Variants in OAS2 observed in about 807,000 individuals in gnomAD.
OAS2 encodes 2'-5'-oligoadenylate synthase 2.
Under a neutral mutation model 71.3 loss-of-function variants are expected in OAS2, and 67 were observed. The ratio of observed to expected loss-of-function variants is 0.94; its 90% CI spans 0.77 to 1.15. The LOEUF (loss-of-function observed/expected upper bound fraction) is 1.15, where lower values mean the gene tolerates loss of function less well. OAS2 is among the 50% of genes most tolerant of loss of function. The pLI is 0.00. For synonymous variants in OAS2, 327 were observed against 321.8 expected, an observed-to-expected ratio of 1.02 and a Z score of -0.17; for missense variants, 789 against 822.5, an observed-to-expected ratio of 0.96 and a Z score of 0.50.
At chr12:112,998,434 G>A (rs781191112) in intron 5 of OAS2, 24 bp downstream of exon 5, 1 of 1,600,208 alleles carries the variant, frequency 6.2e-7, no homozygotes, top group Admixed American at 1.8e-5. Flanking sequence ...CCAAATACAG[G>A]GTGTTTCATG....
intron 6 of OAS2, among the ~76,000 whole-genome samples, chr12:113,004,573 C>T (rs1446674191): frequency 6.6e-6 from 1 of 152,148 alleles, no homozygotes; most frequent in African/African-American, 2.4e-5. Flanking sequence ...AGCACCTTCA[C>T]CATAATTATT....
chr12:113,007,772 A>G lies in OAS2; in HGVS notation c.1724A>G (p.Tyr575Cys). The change falls in exon 9 of 10, where the codon TAT becomes TGT. Residue 575 changes from tyrosine (Y) to cysteine (C), a missense_variant. Transcript: ENST00000392583. Reference protein sequence around the residue: ...PKYALELLTIYAWEQGSGVPD... With the variant: ...PKYALELLTICAWEQGSGVPD... ...TATGCCTTGGAGCTGCTCACCATCTATGCCTGGGAGCAGGGGAGTGGAGTG... is the reference window on the plus strand; with the variant it reads ...TATGCCTTGGAGCTGCTCACCATCTGTGCCTGGGAGCAGGGGAGTGGAGTG... 1 of 1,614,112 alleles carries G rather than the reference A, an allele frequency of 6.2e-7. No homozygotes were observed. Among genetic ancestry groups the G allele is most frequent in the East Asian group, 2.2e-5 (1 of 44,876 alleles).
rs2044051075 is a variant in OAS2 at position 112,978,707 on chromosome 12, G to A, written c.99G>A (p.Leu33=). 1.2e-6 allele frequency: 2 copies of A among 1,614,056 alleles called. No individual in the cohort carries two copies. The highest frequency in any genetic ancestry group is 1.3e-5 in the African/African-American group (1 of 74,930). The change falls in exon 1 of 10, where the codon CTG becomes CTA. Residue 33 remains leucine (L), a synonymous_variant. Coordinates refer to ENST00000392583, the MANE Select transcript of OAS2 (RefSeq NM_002535.3). The surrounding 1 kb of genome is among the most constrained non-coding windows in gnomAD (Gnocchi z 4.2). ...AGCCCTACGAAGAATGTCAGACACT[G>A]ATCGACGAGATGGTGAACACCATCT... is the stretch of plus-strand genomic sequence containing the variant. ...YLKPYEECQT[L]IDEMVNTICD...
rs772180051 is a variant in OAS2 at position 113,004,981 on chromosome 12, C to T, written c.1227C>T (p.Ala409=). 11 of 1,614,160 alleles carry T rather than the reference C, an allele frequency of 6.8e-6. No homozygotes were observed. The highest frequency in any genetic ancestry group is 4.5e-5 in the East Asian group (2 of 44,878). The part of the protein sequence containing the change: ...KGTALKTGSD[A]DLVVFHNSLK... ...CAGCTCTGAAGACTGGCTCTGATGCCGATCTCGTCGTGTTCCATAACTCAC... is the reference window on the plus strand; with the variant it reads ...CAGCTCTGAAGACTGGCTCTGATGCTGATCTCGTCGTGTTCCATAACTCAC... The change falls in exon 7 of 10, where the codon GCC becomes GCT. Residue 409 remains alanine, a synonymous_variant. Transcript: ENST00000392583.
rs1200156429 is a variant in OAS2, at chr12:112,997,428, T to C, written c.628-92T>C. 3 of 1,037,224 alleles carry C rather than the reference T, an allele frequency of 2.9e-6. No homozygotes were observed. The Admixed American group carries it at 7.1e-5, about 25-fold the overall frequency. The allele number at this position is 1,037,224 out of a possible 1,614,324, so 64.3% of individuals were successfully genotyped here. On this transcript the variant is annotated intron_variant, in intron 3 of 9. Coordinates refer to ENST00000392583, the MANE Select transcript of OAS2 (RefSeq NM_002535.3). ...AGGCATTCTAGCAAAGGACAATGACTTCCTGTAGACCTCTGGTTTCTTGAT... is the reference window on the plus strand; with the variant it reads ...AGGCATTCTAGCAAAGGACAATGACCTCCTGTAGACCTCTGGTTTCTTGAT...
At chr12:112,988,433 T>C (rs2044160958) in intron 2 of OAS2, 1 of 311,572 alleles carries the variant, frequency 3.2e-6, no homozygotes, top group Admixed American at 6.5e-5. Flanking sequence ...TGGTTATAGC[T>C]CAGCATTGGC....
intron 2 of OAS2, among the ~76,000 whole-genome samples, chr12:112,990,070 A>G: frequency 6.6e-6 from 1 of 152,136 alleles, no homozygotes; most frequent in East Asian, 1.9e-4. Context: ...CTCTCTTTCC[A>G]TGCACAAATA....
At chr12:112,986,665 G>A (rs2044139120) in intron 1 of OAS2, among the ~76,000 whole-genome samples, 1 of 151,882 alleles carries the variant, frequency 6.6e-6, no homozygotes. Context: ...CTAATGGTGT[G>A]TGCAGGTGCT....
chr12:112,987,812 C>T (rs944924442), intron 2 of OAS2: 33 of 988,670 alleles, frequency 3.3e-5, no homozygotes, highest in Non-Finnish European at 3.8e-5. Context: ...ATCAAGGCAA[C>T]GACCTTCCAT....
In OAS2 at chr12:112,987,314, C is replaced by T; in HGVS notation, c.448+6C>T. 2 of 1,614,056 alleles carry T rather than the reference C, an allele frequency of 1.2e-6. No homozygotes were observed. The highest frequency in any genetic ancestry group is 1.7e-6 in the Non-Finnish European group (2 of 1,179,958). On this transcript the variant is annotated splice_donor_region_variant and intron_variant, in intron 2 of 9. Coordinates refer to ENST00000392583, the MANE Select transcript of OAS2 (RefSeq NM_002535.3). Reference sequence around the variant, plus strand: ...GGCCGCCTTCAACGCTCTGAGTAAGCATTGCTGGGTGTCAGGAGAGAAAAG... The same window carrying T: ...GGCCGCCTTCAACGCTCTGAGTAAGTATTGCTGGGTGTCAGGAGAGAAAAG...
intron 5 of OAS2, 141 bp downstream of exon 5, chr12:112,998,551 C>A: frequency 2.1e-6 from 2 of 942,684 alleles, no homozygotes; most frequent in Non-Finnish European, 3.1e-6. Flanking sequence ...TGGCTTAAAG[C>A]CACAGAAATT....
rs373092983 is a variant in OAS2, at chr12:113,007,787, G to A, written c.1739G>A (p.Gly580Glu). The A allele has an allele frequency of 3.1e-6, 5 of 1,614,062 alleles. No individual in the cohort carries two copies. The highest frequency in any genetic ancestry group is 4.2e-6 in the Non-Finnish European group (5 of 1,180,020). ...CTCACCATCTATGCCTGGGAGCAGG[G>A]GAGTGGAGTGCCGGATTTTGACACT... is the stretch of plus-strand genomic sequence containing the variant. ...ELLTIYAWEQ[G>E]SGVPDFDTAE... is the part of the protein sequence containing the mutation. The change falls in exon 9 of 10, where the codon GGG becomes GAG. Residue 580 changes from glycine (G) to glutamate (E), a missense_variant. Physicochemically the swap from Gly to Glu is moderately conservative, Grantham distance 98 (BLOSUM62 -2). Coordinates refer to ENST00000392583, the MANE Select transcript of OAS2 (RefSeq NM_002535.3).
chr12:112,995,296 G>A lies in OAS2; in HGVS notation c.449G>A (p.Ser150Asn), dbSNP rs1307918036. 6 of 1,604,046 alleles carry A rather than the reference G, an allele frequency of 3.7e-6. No individual in the cohort carries two copies. Among genetic ancestry groups the A allele is most frequent in the Non-Finnish European group, 5.1e-6 (6 of 1,176,618 alleles). The change falls in exon 3 of 10, where the codon AGC (serine) becomes AAC (asparagine). Residue 150 changes from serine to asparagine, a missense_variant and splice_region_variant. Physicochemically the swap from Ser to Asn is conservative, Grantham distance 46. Transcript: ENST00000392583. ...CGTTCCAATTTCTGTTTCACATCAGGCTTAAATGATAATCCCAGCCCCTGG... is the reference window on the plus strand; with the variant it reads ...CGTTCCAATTTCTGTTTCACATCAGACTTAAATGATAATCCCAGCCCCTGG... ...FEVLAAFNAL[S>N]LNDNPSPWIY...
chr12:112,980,794 T>TA (rs1489637915), intron 1 of OAS2, among the ~76,000 whole-genome samples: 4 of 152,192 alleles, frequency 2.6e-5, no homozygotes, highest in Non-Finnish European at 5.9e-5. Context: ...GAAACCTCCA[T>TA]ACTGTTTTCC....
intron 3 of OAS2, 72 bp downstream of exon 3, chr12:112,995,546 G>C: frequency 7.1e-7 from 1 of 1,414,626 alleles, no homozygotes; most frequent in South Asian, 1.3e-5. Flanking sequence ...ATCCAGTAAA[G>C]TGCAACAATC....
chr12:112,987,038 G>C lies in OAS2; in HGVS notation c.178G>C (p.Gly60Arg), dbSNP rs973640258. The C allele has an allele frequency of 1.2e-6, 2 of 1,604,216 alleles. No homozygotes were observed. Among genetic ancestry groups the C allele is most frequent in the African/African-American group, 2.7e-5 (2 of 74,588 alleles). The change falls in exon 2 of 10, where the codon GGT (glycine) becomes CGT (arginine). Residue 60 changes from glycine to arginine, a missense_variant and splice_region_variant. By Grantham distance (125) the Gly-to-Arg change is moderately radical. Transcript: ENST00000392583. ...QFPLVQGVAIGGSYGRKTVLR... is the reference protein window; with the variant it reads ...QFPLVQGVAIRGSYGRKTVLR... ...ATATCTGCTTCTTTGTCACTGGCAG[G>C]GTGGCTCCTATGGACGGAAAACAGT...
chr12:112,980,887 G>A (rs1156690486), intron 1 of OAS2, among the ~76,000 whole-genome samples: 2 of 151,998 alleles, frequency 1.3e-5, no homozygotes, highest in South Asian at 4.1e-4. Flanking sequence ...TTTATTTTTT[G>A]TCTTTTTGAT....
At chr12:112,995,249 A>C in intron 2 of OAS2, 47 bp from the exon 3 acceptor site, 1 of 1,565,364 alleles carries the variant, frequency 6.4e-7, no homozygotes, top group Non-Finnish European at 8.7e-7. Context: ...GGCTCTCTAA[A>C]ACCAGGTTAC....
chr12:113,006,391 G>A, intron 7 of OAS2, 22 bp from the exon 8 acceptor site: 1 of 1,517,926 alleles, frequency 6.6e-7, no homozygotes, highest in Non-Finnish European at 8.9e-7. Context: ...AAAGCAGGAT[G>A]TCAATCTCTC....
Sources: gnomAD v4.1 joint callset for allele counts (sites outside exome capture counted in the v4.1 genomes callset) on GRCh38, gnomAD v4.1.1 for gene constraint, Gnocchi (gnomAD v3.1) non-coding constraint, MANE v1.5 for transcripts, NCBI Gene and HGNC (gene_info 2026-07-23, HGNC 2026-07-21) for gene names.